The following CENPP variants were observed in gnomAD, a reference collection of about 807,000 sequenced individuals.
CENPP encodes centromere protein P.
In CENPP, 24 loss-of-function variants were observed where a neutral mutation model predicts 35.6. That is an observed-to-expected ratio of 0.67 (90% CI 0.49 to 0.95). CENPP has a LOEUF of 0.95. Among genes scored for constraint, CENPP ranks in the 40% least tolerant of loss-of-function variants. The probability of loss-of-function intolerance (pLI) is 0.00; values close to 1 mark genes in which losing one functional copy is unlikely to be tolerated. For synonymous variants in CENPP, 120 were observed against 125.5 expected (o/e 0.96, Z 0.29); for missense variants, 332 against 345.3 (o/e 0.96, Z 0.31).
At chr9:92,444,216 G>A (rs1338725905) in intron 5 of CENPP, among the ~76,000 whole-genome samples, 1 of 152,122 alleles carries the variant, frequency 6.6e-6, no homozygotes, top group Non-Finnish European at 1.5e-5. Context: ...CATACAGTGA[G>A]TATGAAATGA....
intron 7 of CENPP, among the ~76,000 whole-genome samples, 163 bp downstream of exon 7, chr9:92,612,777 A>G (rs1851302993): frequency 6.6e-6 from 1 of 152,170 alleles, no homozygotes; most frequent in African/African-American, 2.4e-5. Context: ...AATCACTCAA[A>G]AAGAACATGA....
chr9:92,414,969 A>G, intron 5 of CENPP: 1 of 407,528 alleles, frequency 2.5e-6, no homozygotes. Flanking sequence ...GATTTACATT[A>G]TTTTGAGTAA....
intron 4 of CENPP, among the ~76,000 whole-genome samples, chr9:92,356,912 C>T (rs1841602987): frequency 6.6e-6 from 1 of 152,160 alleles, no homozygotes; most frequent in Admixed American, 6.5e-5. Flanking sequence ...CTACAACAGT[C>T]CCCAGCCTTT....
chr9:92,406,544 C>T (rs1322844542), intron 5 of CENPP, among the ~76,000 whole-genome samples: 1 of 152,118 alleles, frequency 6.6e-6, no homozygotes, highest in Non-Finnish European at 1.5e-5. Flanking sequence ...GTTAAAATAA[C>T]ACACATTTAT....
chr9:92,503,801 G>A (rs1350223879), intron 5 of CENPP, among the ~76,000 whole-genome samples: 2 of 152,210 alleles, frequency 1.3e-5, no homozygotes, highest in Admixed American at 6.5e-5. Flanking sequence ...TTTAGGAGGT[G>A]AGCTAGATCA....
At chr9:92,386,174 C>A in intron 5 of CENPP, 1 of 1,476,724 alleles carries the variant, frequency 6.8e-7, no homozygotes, top group South Asian at 1.1e-5. Flanking sequence ...TAATTAGAGT[C>A]AGATATTGTG....
intron 5 of CENPP, among the ~76,000 whole-genome samples, chr9:92,529,728 G>A (rs1588239241): frequency 6.6e-6 from 1 of 152,288 alleles, no homozygotes; most frequent in East Asian, 1.9e-4. Context: ...GCATATGTAT[G>A]ATTTCAACTC....
chr9:92,573,872 C>A (rs1034726705), intron 5 of CENPP, among the ~76,000 whole-genome samples: 1 of 152,216 alleles, frequency 6.6e-6, no homozygotes, highest in African/African-American at 2.4e-5. Flanking sequence ...GTGAGCGAGG[C>A]TTCGTGGGCA....
chr9:92,607,201 G>GT (rs898866488), intron 5 of CENPP, among the ~76,000 whole-genome samples: 17 of 141,984 alleles, frequency 1.2e-4, no homozygotes, highest in Admixed American at 7.4e-4. Flanking sequence ...ATTGAAGTTT[G>GT]TTTTTTTTAT....
chr9:92,342,366 A>G (rs1588042226), intron 3 of CENPP, among the ~76,000 whole-genome samples: 1 of 152,268 alleles, frequency 6.6e-6, no homozygotes, highest in Non-Finnish European at 1.5e-5. Context: ...CAGGGGGAAA[A>G]AAATCTAAGG....
chr9:92,401,054 TA>T (rs1843091002), intron 5 of CENPP: 1 of 968,586 alleles, frequency 1.0e-6, no homozygotes, highest in African/African-American at 1.6e-5. Flanking sequence ...TAGCTATTTT[TA>T]AAAGATCCAT....
At chr9:92,561,635 G>A (rs1214877826) in intron 5 of CENPP, among the ~76,000 whole-genome samples, 1 of 152,142 alleles carries the variant, frequency 6.6e-6, no homozygotes, top group Non-Finnish European at 1.5e-5. Context: ...TACCATAAGG[G>A]TGTACATTCA....
intron 5 of CENPP, among the ~76,000 whole-genome samples, chr9:92,519,092 C>G (rs959597339): frequency 1.3e-5 from 2 of 152,132 alleles, no homozygotes; most frequent in African/African-American, 4.8e-5. Context: ...CCAAGTTCCA[C>G]CCCCAAATGA....
chr9:92,500,126 T>C lies in CENPP; in HGVS notation c.565-111188T>C, dbSNP rs547276326. Among the ~76,000 whole-genome samples the C allele has an allele frequency of 9.8e-5, 15 of 152,350 alleles. No individual in the cohort carries two copies. In the South Asian group the frequency reaches 3.1e-3, roughly 32 times the overall value. ...GAGGTAGGAGTAGTAACATAATCTA[T>C]TGCTTTGAAGACTCATTTGAACCTC... On this transcript the variant is annotated intron_variant, in intron 5 of 7. Transcript: ENST00000375587.
chr9:92,408,106 T>C (rs2130943012), intron 5 of CENPP, among the ~76,000 whole-genome samples: 1 of 152,310 alleles, frequency 6.6e-6, no homozygotes, highest in South Asian at 2.1e-4. Flanking sequence ...AGAAGAGTCT[T>C]TCCCCCATCT....
chr9:92,385,697 C>T (rs1842390202), intron 5 of CENPP: 1 of 1,613,922 alleles, frequency 6.2e-7, no homozygotes, highest in South Asian at 1.1e-5. Flanking sequence ...ATTGGATTGC[C>T]CTCCAGGCGT....
Position 92,325,968 on chromosome 9 carries a change from C to G in CENPP, c.-31C>G. On this transcript the variant is annotated 5_prime_UTR_variant, in exon 1 of 8. Transcript: ENST00000375587. ...CGCGCAGGTCGGAGTGACAGCTGCGCTGCCGGCCCGGCTGCGGTCAGCAAC... is the reference window on the plus strand; with the variant it reads ...CGCGCAGGTCGGAGTGACAGCTGCGGTGCCGGCCCGGCTGCGGTCAGCAAC... The G allele has an allele frequency of 1.3e-6, 2 of 1,533,622 alleles. No individual in the cohort carries two copies. The highest frequency in any genetic ancestry group is 2.8e-5 in the African/African-American group (2 of 72,542).
chr9:92,562,221 T>G (rs889996407), intron 5 of CENPP, among the ~76,000 whole-genome samples: 1 of 150,626 alleles, frequency 6.6e-6, no homozygotes, highest in Admixed American at 6.6e-5. Context: ...TTTTTTTTTT[T>G]GAGATGGAGT....
At chr9:92,355,287 G>C in intron 4 of CENPP, among the ~76,000 whole-genome samples, 1 of 152,016 alleles carries the variant, frequency 6.6e-6, no homozygotes, top group South Asian at 2.1e-4. Context: ...CTCCCCCCAG[G>C]AATGCATTCC....
Sources: allele counts gnomAD v4.1 joint callset (sites outside exome capture counted in the v4.1 genomes callset), GRCh38; gene constraint gnomAD v4.1.1; transcripts MANE v1.5; gene names NCBI Gene and HGNC (gene_info 2026-07-23, HGNC 2026-07-21).